The following SPATA13 variants were observed in gnomAD, a reference collection of about 807,000 sequenced individuals.
SPATA13 encodes spermatogenesis associated 13, also known as spermatogenesis-associated protein 13.
Under a neutral mutation model 104.0 loss-of-function variants are expected in SPATA13, and 50 were observed. The ratio of observed to expected loss-of-function variants is 0.48; its 90% CI spans 0.38 to 0.61. The LOEUF is 0.61. Among genes scored for constraint, SPATA13 ranks in the 20% least tolerant of loss-of-function variants. SPATA13 has a pLI of 0.00. For missense variants in SPATA13, 1,524 were observed against 1,690.6 expected (o/e 0.90, Z 1.73); for synonymous variants, 606 against 667.5 (o/e 0.91, Z 1.42).
intron 1 of SPATA13, among the ~76,000 whole-genome samples, chr13:24,208,033 A>G (rs906526177): frequency 6.6e-6 from 1 of 152,180 alleles, no homozygotes; most frequent in Non-Finnish European, 1.5e-5. Flanking sequence ...TTGGAGCCGC[A>G]CTGCCTGATG....
chr13:24,288,914 C>T, intron 7 of SPATA13, 85 bp from the exon 8 acceptor site: 1 of 1,204,604 alleles, frequency 8.3e-7, no homozygotes, highest in Non-Finnish European at 1.1e-6. Flanking sequence ...ATTCCAAGTT[C>T]ATGGCTTTAG....
In SPATA13 at chr13:24,249,814, C is replaced by T. The variant is rs543934868; in HGVS notation, c.1991C>T (p.Thr664Met). 2.7e-4 allele frequency: 442 copies of T among 1,609,676 alleles called. 5 individuals are homozygous for T. In the South Asian group the frequency reaches 3.7e-3, roughly 14 times the overall value. Residue 664 changes from threonine to methionine, a missense_variant, in exon 3 of 13, where the codon ACG (threonine) becomes ATG (methionine). Transcript: ENST00000382108. ...GGVSLYGTNQ[T>M]EELDNLLTQP... ...GTCAGCTTGTATGGGACCAACCAGA[C>T]GGAGGAACTGGACAATCTTCTGACC...
intron 1 of SPATA13, among the ~76,000 whole-genome samples, chr13:24,173,441 A>G (rs11839932): frequency 0.11 from 16,707 of 149,738 alleles, 1,152 homozygotes; most frequent in African/African-American, 0.17. Flanking sequence ...CAATCATGTC[A>G]TGTACAAATG....
At chr13:24,042,065 A>C (rs1406905059) in intron 3 of SPATA13, among the ~76,000 whole-genome samples, 1 of 152,210 alleles carries the variant, frequency 6.6e-6, no homozygotes, top group Non-Finnish European at 1.5e-5. Flanking sequence ...ATTTCAAGGC[A>C]GGTGGACCAA....
At chr13:24,028,711 T>A (rs1877344093) in intron 3 of SPATA13, among the ~76,000 whole-genome samples, 1 of 152,248 alleles carries the variant, frequency 6.6e-6, no homozygotes, top group African/African-American at 2.4e-5. Flanking sequence ...TCCAATTGAA[T>A]GTTTGTCCGT....
intron 9 of SPATA13, among the ~76,000 whole-genome samples, chr13:24,291,696 TCTC>T (rs1566197733): frequency 6.6e-6 from 1 of 152,158 alleles, no homozygotes; most frequent in Non-Finnish European, 1.5e-5. Context: ...GATCTCGGCT[TCTC>T]CTGAACAACA....
At chr13:24,272,942 C>T (rs1054625063) in intron 4 of SPATA13, 5 of 152,582 alleles carry the variant, frequency 3.3e-5, no homozygotes, top group Non-Finnish European at 7.3e-5. Flanking sequence ...GTTGGGCAGC[C>T]GTCAGAAACT....
chr13:24,055,196 T>C (rs1044194699), intron 3 of SPATA13, among the ~76,000 whole-genome samples: 1 of 152,248 alleles, frequency 6.6e-6, no homozygotes, highest in Non-Finnish European at 1.5e-5. Context: ...GAAAATCTTA[T>C]ACACTTAAAT....
intron 1 of SPATA13, among the ~76,000 whole-genome samples, chr13:24,198,046 A>T (rs1340188286): frequency 6.6e-6 from 1 of 152,044 alleles, no homozygotes; most frequent in Non-Finnish European, 1.5e-5. Context: ...CCCAGGCTGG[A>T]GTGCAGTGGC....
At chr13:23,982,103 A>G (rs1388215721) in intron 1 of SPATA13, among the ~76,000 whole-genome samples, 1 of 152,256 alleles carries the variant, frequency 6.6e-6, no homozygotes, top group African/African-American at 2.4e-5. Flanking sequence ...ATAAATCGCT[A>G]TAGCATTAGA....
intron 2 of SPATA13, among the ~76,000 whole-genome samples, chr13:24,004,105 G>A (rs781520054): frequency 6.6e-6 from 1 of 152,104 alleles, no homozygotes; most frequent in Non-Finnish European, 1.5e-5. Context: ...CAGGGACTTG[G>A]GTTCCTTCCT....
At chr13:24,090,523 T>G (rs568305516) in intron 3 of SPATA13, among the ~76,000 whole-genome samples, 1 of 152,280 alleles carries the variant, frequency 6.6e-6, no homozygotes, top group South Asian at 2.1e-4. Flanking sequence ...CCCTCTTTTT[T>G]CCCATGCTCC....
intron 4 of SPATA13, among the ~76,000 whole-genome samples, chr13:24,274,693 A>G (rs1311899216): frequency 6.6e-6 from 1 of 152,256 alleles, no homozygotes; most frequent in Non-Finnish European, 1.5e-5. Flanking sequence ...AGAATGGCTT[A>G]TCTCAACTCT....
chr13:24,035,388 AAGTGATC>A (rs1177199626), intron 3 of SPATA13, among the ~76,000 whole-genome samples: 3 of 152,192 alleles, frequency 2.0e-5, no homozygotes, highest in Admixed American at 2.0e-4. Flanking sequence ...TTCTGGGGTT[AAGTGATC>A]TGCTGTCTCG....
chr13:24,219,270 T>C (rs1277277983), intron 1 of SPATA13, among the ~76,000 whole-genome samples: 2 of 152,212 alleles, frequency 1.3e-5, no homozygotes, highest in African/African-American at 2.4e-5. Flanking sequence ...AGGCTTTTTT[T>C]CCATAATTTT....
intron 1 of SPATA13, among the ~76,000 whole-genome samples, chr13:24,197,223 G>A (rs1220566): frequency 0.56 from 85,720 of 151,986 alleles, 24,748 homozygotes; most frequent in African/African-American, 0.65. Context: ...TTATGTGATG[G>A]AATAGTCAAG....
chr13:24,119,639 A>G (rs573300128), intron 3 of SPATA13, among the ~76,000 whole-genome samples: 1 of 152,312 alleles, frequency 6.6e-6, no homozygotes, highest in South Asian at 2.1e-4. Context: ...TTAGAACAGC[A>G]GAGCCCCTTT....
chr13:23,997,690 G>T (rs1875760761), intron 2 of SPATA13, among the ~76,000 whole-genome samples: 1 of 152,120 alleles, frequency 6.6e-6, no homozygotes, highest in African/African-American at 2.4e-5. Context: ...AATTACAGTG[G>T]AAGGTGAAGG....
chr13:24,138,102 C>G (rs1311940208), intron 3 of SPATA13, among the ~76,000 whole-genome samples: 1 of 151,728 alleles, frequency 6.6e-6, no homozygotes, highest in African/African-American at 2.4e-5. Context: ...GAATTCGAGA[C>G]CAGCCTGGCC....
Sources: allele counts gnomAD v4.1 joint callset (sites outside exome capture counted in the v4.1 genomes callset), GRCh38; gene constraint gnomAD v4.1.1; transcripts MANE v1.5; gene names NCBI Gene and HGNC (gene_info 2026-07-23, HGNC 2026-07-21).